MKNK1: variants seen among roughly 807,000 people sequenced by gnomAD.
The protein encoded by MKNK1 is MAP kinase-interacting serine/threonine-protein kinase 1.
MKNK1 carries 30 observed loss-of-function variants against 49.3 expected under a neutral mutation model. The ratio of observed to expected loss-of-function variants is 0.61; its 90% CI spans 0.46 to 0.83. MKNK1 has a LOEUF of 0.83. Ranked by LOEUF, MKNK1 falls within the 40% of genes least tolerant of loss-of-function variation. The probability of loss-of-function intolerance (pLI) is 0.00; values close to 1 mark genes in which losing one functional copy is unlikely to be tolerated. For synonymous variants in MKNK1, 176 were observed against 201.7 expected (o/e 0.87, Z 1.08); for missense variants, 423 against 524.7 (o/e 0.81, Z 1.89).
chr1:46,581,315 A>G (rs1017566618), intron 3 of MKNK1, among the ~76,000 whole-genome samples: 1 of 152,072 alleles, frequency 6.6e-6, no homozygotes, highest in African/African-American at 2.4e-5. Flanking sequence ...AATCGAGACC[A>G]TCCTGGCCAA....
intron 7 of MKNK1, among the ~76,000 whole-genome samples, chr1:46,571,149 A>G (rs2148633235): frequency 6.6e-6 from 1 of 152,394 alleles, no homozygotes; most frequent in African/African-American, 2.4e-5. Context: ...CTGAATAATC[A>G]GTCATAGGAA....
chr1:46,585,789 G>A lies in MKNK1; in HGVS notation c.-2-2460C>T, dbSNP rs3766234. On this transcript the variant is annotated intron_variant, in intron 2 of 12. Transcript: ENST00000371945. The stretch of plus-strand genomic sequence containing the variant: ...TTACCACAGCAGGGCTGAGGGAGCC[G>A]CTTGCACGAGAAGCATACCTCACAG... The A allele has an allele frequency of 2.2e-5, 15 of 691,274 alleles. No homozygotes were observed. The East Asian group carries it at 3.2e-4, about 15-fold the overall frequency. The allele number at this position is 691,274 out of a possible 1,614,324, so 42.8% of individuals were successfully genotyped here.
At chr1:46,559,103 G>C (rs980859312) in intron 12 of MKNK1, among the ~76,000 whole-genome samples, 1 of 152,222 alleles carries the variant, frequency 6.6e-6, no homozygotes, top group Non-Finnish European at 1.5e-5. Context: ...CAGAGGCAGA[G>C]ACTGGGCACA....
intron 2 of MKNK1, among the ~76,000 whole-genome samples, chr1:46,592,931 G>T (rs1270436861): frequency 6.6e-6 from 1 of 152,004 alleles, no homozygotes; most frequent in Non-Finnish European, 1.5e-5. Context: ...GAGCTGGCTG[G>T]GGACGGGGAG....
chr1:46,571,552 AAAAAGG>A, intron 7 of MKNK1: 1 of 440,838 alleles, frequency 2.3e-6, no homozygotes, highest in Non-Finnish European at 4.5e-6. Context: ...AAAAAGGAAA[AAAAAGG>A]AAAAAGAAAA....
At chr1:46,560,641 G>A (rs994754823) in intron 11 of MKNK1, among the ~76,000 whole-genome samples, 1 of 152,188 alleles carries the variant, frequency 6.6e-6, no homozygotes, top group African/African-American at 2.4e-5. Flanking sequence ...TGCTCCCTTT[G>A]TGCCCCTAGC....
At chr1:46,583,204 A>T (rs1672005582) in intron 3 of MKNK1, 24 bp downstream of exon 3, 4 of 1,596,686 alleles carry the variant, frequency 2.5e-6, no homozygotes, top group East Asian at 2.2e-5. Context: ...GCAGGCCCAG[A>T]TATAGGGAAG....
At chr1:46,571,368 A>AC (rs1442073497) in intron 7 of MKNK1, 8 of 270,366 alleles carry the variant, frequency 3.0e-5, no homozygotes, top group South Asian at 2.1e-4. Context: ...ACAGAGGGAG[A>AC]CCCCATCTCT....
rs146056015 is a variant in MKNK1 at position 46,576,604 on chromosome 1, C to T, written c.249G>A (p.Val83=). 2 of 1,614,036 alleles carry T rather than the reference C, an allele frequency of 1.2e-6. No individual in the cohort carries two copies. Among genetic ancestry groups the T allele is most frequent in the Non-Finnish European group, 1.7e-6 (2 of 1,179,998 alleles). The change falls in exon 5 of 13, where the codon GTG becomes GTA. Residue 83 remains valine, a synonymous_variant. Transcript: ENST00000371945. ...TTCCCTGACACTGATACAGCGTCTCCACCTCTCGAAACACCCTACTCCGAC... is the reference window on the plus strand; with the variant it reads ...TTCCCTGACACTGATACAGCGTCTCTACCTCTCGAAACACCCTACTCCGAC... ...GHSRSRVFRE[V]ETLYQCQGNK...
chr1:46,594,385 C>T (rs553095680), intron 1 of MKNK1, 105 bp from the exon 2 acceptor site: 1 of 561,658 alleles, frequency 1.8e-6, no homozygotes, highest in Non-Finnish European at 3.2e-6. Flanking sequence ...TGAGTTACCC[C>T]ACTAAGTAGA....
intron 1 of MKNK1, among the ~76,000 whole-genome samples, chr1:46,603,080 G>A (rs988719384): frequency 6.6e-6 from 1 of 152,204 alleles, no homozygotes; most frequent in African/African-American, 2.4e-5. Context: ...TGAGGTGGGA[G>A]CAGATGGGCA....
In MKNK1 at chr1:46,572,156, C is replaced by T. The variant is rs2148642239; in HGVS notation, c.364G>A (p.Ala122Thr). 3 of 1,614,034 alleles carry T rather than the reference C, an allele frequency of 1.9e-6. No homozygotes were observed. Among genetic ancestry groups the T allele is most frequent in the East Asian group, 2.2e-5 (1 of 44,880 alleles). Residue 122 changes from alanine (A) to threonine (T), a missense_variant, in exon 7 of 13, where the codon GCC becomes ACC. Ala to Thr is a moderately conservative substitution (Grantham distance 58). Coordinates refer to ENST00000371945, the MANE Select transcript of MKNK1 (RefSeq NM_001135553.4). The stretch of plus-strand genomic sequence containing the variant: ...AAGTGCTTTTGCTTCTGGATGTGGG[C>T]TAAGATGGAACCTGGGGAGCAGAGG... Reference protein sequence around the residue: ...FEKLQGGSILAHIQKQKHFNE... With the variant: ...FEKLQGGSILTHIQKQKHFNE...
intron 9 of MKNK1, 42 bp downstream of exon 9, chr1:46,564,999 A>T: frequency 6.3e-7 from 1 of 1,584,742 alleles, no homozygotes; most frequent in South Asian, 1.1e-5. Flanking sequence ...TGGATCAGGG[A>T]AACACTCCAA....
At chr1:46,584,249 CT>C in intron 2 of MKNK1, among the ~76,000 whole-genome samples, 1 of 152,306 alleles carries the variant, frequency 6.6e-6, no homozygotes, top group East Asian at 1.9e-4. Flanking sequence ...GGGCCTTTCC[CT>C]GTTAAAGATA....
At chr1:46,591,101 T>C (rs1673270509) in intron 2 of MKNK1, among the ~76,000 whole-genome samples, 1 of 152,226 alleles carries the variant, frequency 6.6e-6, no homozygotes. Context: ...TGTGGCATCA[T>C]GATTATGCTG....
At chr1:46,561,028 C>A (rs959399041) in intron 11 of MKNK1, among the ~76,000 whole-genome samples, 1 of 152,212 alleles carries the variant, frequency 6.6e-6, no homozygotes, top group Admixed American at 6.5e-5. Flanking sequence ...AAAATACGAT[C>A]ATTTGCCTTT....
At chr1:46,561,430 G>A in intron 11 of MKNK1, 48 bp downstream of exon 11, 1 of 1,535,862 alleles carries the variant, frequency 6.5e-7, no homozygotes, top group African/African-American at 1.4e-5. Flanking sequence ...TTGTGGCCAT[G>A]CCACAGGCCT....
intron 1 of MKNK1, among the ~76,000 whole-genome samples, chr1:46,601,137 G>A (rs1674683345): frequency 6.6e-6 from 1 of 152,136 alleles, no homozygotes; most frequent in African/African-American, 2.4e-5. Context: ...GGCTGGTCTC[G>A]AACTTCTGAC....
chr1:46,583,749 G>A (rs1475049275), intron 2 of MKNK1, among the ~76,000 whole-genome samples: 1 of 152,150 alleles, frequency 6.6e-6, no homozygotes, highest in East Asian at 1.9e-4. Flanking sequence ...GGTTGGGAGT[G>A]GGGGACCATG....
Sources: gnomAD v4.1 joint callset for allele counts (sites outside exome capture counted in the v4.1 genomes callset) on GRCh38, gnomAD v4.1.1 for gene constraint, MANE v1.5 for transcripts, NCBI Gene and HGNC (gene_info 2026-07-23, HGNC 2026-07-21) for gene names.